The following ICOS variants were observed in gnomAD, a reference collection of about 807,000 sequenced individuals.
The protein encoded by ICOS is inducible T-cell costimulator.
Under a neutral mutation model 24.6 loss-of-function variants are expected in ICOS, and 15 were observed. The ratio of observed to expected loss-of-function variants is 0.61; its 90% confidence interval spans 0.41 to 0.94. ICOS has a LOEUF of 0.94. ICOS is among the 40% of genes least tolerant of loss of function. The probability of loss-of-function intolerance (pLI) is 0.00; values close to 1 mark genes in which losing one functional copy is unlikely to be tolerated. For missense variants in ICOS, 200 were observed against 233.0 expected (o/e 0.86, Z 0.92); for synonymous variants, 89 against 77.5 (o/e 1.15, Z -0.78).
chr2:203,947,308 T>A (rs1157786905), intron 1 of ICOS, among the ~76,000 whole-genome samples: 1 of 151,666 alleles, frequency 6.6e-6, no homozygotes, highest in Non-Finnish European at 1.5e-5. Context: ...TTATAAAAAT[T>A]ATTATTATTA....
intron 1 of ICOS, among the ~76,000 whole-genome samples, chr2:203,937,577 T>C (rs1023233398): frequency 3.9e-5 from 6 of 152,220 alleles, no homozygotes; most frequent in African/African-American, 1.4e-4. Flanking sequence ...TTTTACTGTA[T>C]ATAATTTGTA....
At chr2:203,948,941 G>A (rs560892808) in intron 1 of ICOS, among the ~76,000 whole-genome samples, 1 of 152,248 alleles carries the variant, frequency 6.6e-6, no homozygotes, top group Admixed American at 6.5e-5. Context: ...AATGGGGAGA[G>A]GTAGGAGAGG....
At chr2:203,949,033 A>C (rs183122326) in intron 1 of ICOS, among the ~76,000 whole-genome samples, 1 of 152,236 alleles carries the variant, frequency 6.6e-6, no homozygotes, top group Non-Finnish European at 1.5e-5. Flanking sequence ...TTTTATAAGC[A>C]GAACAATGAC....
chr2:203,952,440 T>A (rs1207326709), intron 1 of ICOS, among the ~76,000 whole-genome samples: 1 of 152,204 alleles, frequency 6.6e-6, no homozygotes, highest in Non-Finnish European at 1.5e-5. Context: ...AGTCTAATAG[T>A]TGCTCCTTGG....
At chr2:203,940,985 C>G (rs925317135) in intron 1 of ICOS, among the ~76,000 whole-genome samples, 1 of 152,100 alleles carries the variant, frequency 6.6e-6, no homozygotes, top group Non-Finnish European at 1.5e-5. Context: ...GGGGTTTCAC[C>G]GTGTTAGCCA....
chr2:203,937,535 C>A (rs1689677423), intron 1 of ICOS, among the ~76,000 whole-genome samples: 1 of 152,062 alleles, frequency 6.6e-6, no homozygotes. Flanking sequence ...ATGCTACATA[C>A]AATGTAAGTT....
chr2:203,938,590 T>A (rs924639235), intron 1 of ICOS, among the ~76,000 whole-genome samples: 19 of 152,174 alleles, frequency 1.2e-4, no homozygotes, highest in Non-Finnish European at 2.2e-4. Context: ...GTACCATTCG[T>A]GGAAGGGTTT....
chr2:203,945,523 G>A (rs189520955), intron 1 of ICOS, among the ~76,000 whole-genome samples: 3 of 152,206 alleles, frequency 2.0e-5, no homozygotes, highest in Non-Finnish European at 4.4e-5. Flanking sequence ...ATCATCGAGC[G>A]TACTGACGCA....
At chr2:203,943,356 G>A (rs1689811564) in intron 1 of ICOS, among the ~76,000 whole-genome samples, 1 of 151,504 alleles carries the variant, frequency 6.6e-6, no homozygotes, top group South Asian at 2.1e-4. Flanking sequence ...GTGTTCCCTT[G>A]ATATCATACT....
chr2:203,946,326 C>T, intron 1 of ICOS, among the ~76,000 whole-genome samples: 1 of 151,890 alleles, frequency 6.6e-6, no homozygotes, highest in East Asian at 1.9e-4. Flanking sequence ...CTATGGAGTT[C>T]CTTGGAGAGT....
intron 1 of ICOS, among the ~76,000 whole-genome samples, chr2:203,937,730 C>T (rs1038982452): frequency 6.6e-6 from 1 of 151,842 alleles, no homozygotes; most frequent in Non-Finnish European, 1.5e-5. Context: ...TCTAGGGATA[C>T]ATTTTTTCAG....
In ICOS at chr2:203,947,315, A is replaced by G. The variant is rs150127252; in HGVS notation, c.59-8321A>G. On this transcript the variant is annotated intron_variant, in intron 1 of 4. Transcript: ENST00000316386. ...CAGTAATATTATAAAAATTATTATT[A>G]TTATTATTTTTTGAGACGGAGTCTT... 9.8e-3 allele frequency among the ~76,000 whole-genome samples: 1,492 copies of G among 152,050 alleles called. 27 individuals are homozygous for G. Among genetic ancestry groups the G allele is most frequent in the African/African-American group, 0.033 (1,351 of 41,498 alleles).
intron 3 of ICOS, among the ~76,000 whole-genome samples, chr2:203,957,090 T>A (rs1690090151): frequency 6.6e-6 from 1 of 152,148 alleles, no homozygotes; most frequent in Non-Finnish European, 1.5e-5. Flanking sequence ...TCAAAATAGA[T>A]GACTCTGATT....
At chr2:203,959,136 T>C (rs941867520) in intron 4 of ICOS, among the ~76,000 whole-genome samples, 1 of 152,114 alleles carries the variant, frequency 6.6e-6, no homozygotes, top group African/African-American at 2.4e-5. Context: ...CCTCACTGAT[T>C]TGGGGTTGCC....
rs952442493 is a variant in ICOS, at chr2:203,950,713, A to C, written c.59-4923A>C. ...GTCAGCCTTCTGATCACTACATTTC[A>C]TAATAAATAGGCGATCCAGGTAGTT... is the stretch of plus-strand genomic sequence containing the variant. On this transcript the variant is annotated intron_variant, in intron 1 of 4. Transcript: ENST00000316386. Among the ~76,000 whole-genome samples the C allele has an allele frequency of 2.0e-5, 3 of 152,222 alleles. No individual in the cohort carries two copies. The East Asian group carries it at 5.8e-4, about 29-fold the overall frequency.
intron 1 of ICOS, among the ~76,000 whole-genome samples, chr2:203,947,208 T>C (rs1443242579): frequency 6.6e-6 from 1 of 152,224 alleles, no homozygotes; most frequent in Non-Finnish European, 1.5e-5. Flanking sequence ...TCTTGTGCTT[T>C]ATAAATTTTG....
chr2:203,954,107 G>A (rs1690031297), intron 1 of ICOS, among the ~76,000 whole-genome samples: 1 of 152,084 alleles, frequency 6.6e-6, no homozygotes, highest in Non-Finnish European at 1.5e-5. Flanking sequence ...ATGAAAATTT[G>A]TCATATTAAA....
At chr2:203,943,939 C>T (rs1397196999) in intron 1 of ICOS, among the ~76,000 whole-genome samples, 4 of 152,126 alleles carry the variant, frequency 2.6e-5, no homozygotes. Context: ...CCGGCAGTCA[C>T]AGGTCTCATC....
Position 203,955,897 on chromosome 2 carries a change from ACTTCTGCAAC to A in ICOS, c.323_332del (p.Phe108TyrfsTer11), listed in dbSNP as rs1391468509. The stretch of plus-strand genomic sequence containing the variant: ...TTGGACCATTCTCATGCCAACTATT[ACTTCTGCAAC>A]CTATCAATTTTTGATCCTCCTCCTT... On this transcript the variant is annotated frameshift_variant, in exon 2 of 5. Transcript: ENST00000316386. LOFTEE classifies it high-confidence loss of function. 2.5e-6 allele frequency: 4 copies of A among 1,613,494 alleles called. No homozygotes were observed. In the South Asian group the frequency reaches 4.4e-5, roughly 18 times the overall value.
Sources: allele counts gnomAD v4.1 joint callset (sites outside exome capture counted in the v4.1 genomes callset), GRCh38; gene constraint gnomAD v4.1.1; transcripts MANE v1.5; gene names NCBI Gene and HGNC (gene_info 2026-07-23, HGNC 2026-07-21).